Variants in CDH2 observed in about 807,000 individuals in gnomAD.
The protein encoded by CDH2 is cadherin 2.
A neutral mutation model predicts 92.0 loss-of-function variants in CDH2; 17 were observed. The observed-to-expected ratio is 0.18, with a 90% CI of 0.13 to 0.28. CDH2 has a LOEUF of 0.28. Among genes scored for constraint, CDH2 ranks in the 10% least tolerant of loss-of-function variants. CDH2 has a pLI of 1.00. For synonymous variants in CDH2, 419 were observed against 415.9 expected (o/e 1.01, Z -0.09); for missense variants, 862 against 1,133.1 (o/e 0.76, Z 3.44).
intron 1 of CDH2, among the ~76,000 whole-genome samples, chr18:28,156,877 A>C (rs1467896629): frequency 1.1e-4 from 17 of 152,090 alleles, no homozygotes; most frequent in Non-Finnish European, 2.2e-4. Flanking sequence ...ATCAGGGCTT[A>C]GGACAATATG....
At chr18:28,151,800 C>A (rs1383834299) in intron 1 of CDH2, among the ~76,000 whole-genome samples, 1 of 152,128 alleles carries the variant, frequency 6.6e-6, no homozygotes, top group Non-Finnish European at 1.5e-5. Context: ...CATGGGTTGG[C>A]AAGCTTTTTC....
At chr18:27,997,482 T>C (rs945338461) in intron 7 of CDH2, among the ~76,000 whole-genome samples, 1 of 152,336 alleles carries the variant, frequency 6.6e-6, no homozygotes, top group African/African-American at 2.4e-5. Context: ...GAACCTTCAA[T>C]AGTGCATACC....
At chr18:28,006,054 A>T in intron 5 of CDH2, 61 bp from the exon 6 acceptor site, 1 of 1,320,848 alleles carries the variant, frequency 7.6e-7, no homozygotes, top group Non-Finnish European at 1.1e-6. Flanking sequence ...AGATAAATAC[A>T]TCATCATAAG....
chr18:28,040,119 A>C (rs1019462678), intron 2 of CDH2, among the ~76,000 whole-genome samples: 3 of 152,186 alleles, frequency 2.0e-5, no homozygotes, highest in Non-Finnish European at 1.5e-5. Context: ...ACACTTACTG[A>C]AAGTTGATTG....
chr18:27,990,397 T>A, intron 9 of CDH2, 47 bp from the exon 10 acceptor site: 1 of 1,545,260 alleles, frequency 6.5e-7, no homozygotes, highest in Non-Finnish European at 8.8e-7. Context: ...ATAAGAATGC[T>A]TGCATTCTGT....
intron 2 of CDH2, among the ~76,000 whole-genome samples, chr18:28,136,318 G>A (rs995253353): frequency 2.0e-5 from 3 of 151,986 alleles, no homozygotes; most frequent in South Asian, 2.1e-4. Flanking sequence ...ATGAAGGAAG[G>A]AAGGAGGAGC....
chr18:27,935,316 A>C (rs1055538856), intron 6 of CDH2, among the ~76,000 whole-genome samples: 2 of 152,302 alleles, frequency 1.3e-5, no homozygotes, highest in Non-Finnish European at 2.9e-5. Context: ...AAGCAGACAC[A>C]TGTTCACATG....
chr18:28,068,862 T>C (rs1218636678), intron 2 of CDH2, among the ~76,000 whole-genome samples: 1 of 152,176 alleles, frequency 6.6e-6, no homozygotes, highest in African/African-American at 2.4e-5. Flanking sequence ...TATTCAATCT[T>C]CAATCTATTT....
At chr18:28,085,978 C>G (rs1262490445) in intron 2 of CDH2, among the ~76,000 whole-genome samples, 1 of 152,094 alleles carries the variant, frequency 6.6e-6, no homozygotes, top group Non-Finnish European at 1.5e-5. Flanking sequence ...AAAATATTAT[C>G]CATCTGGAAT....
intron 2 of CDH2, among the ~76,000 whole-genome samples, chr18:28,020,356 C>G (rs1046283210): frequency 6.6e-6 from 1 of 151,620 alleles, no homozygotes; most frequent in Non-Finnish European, 1.5e-5. Flanking sequence ...GACTTTAAGG[C>G]TTAAAAATAA....
At chr18:28,000,966 A>G (rs917232014) in intron 7 of CDH2, among the ~76,000 whole-genome samples, 2 of 152,172 alleles carry the variant, frequency 1.3e-5, no homozygotes, top group Non-Finnish European at 2.9e-5. Context: ...CTCAGGAAGA[A>G]TTATCATAAA....
At chr18:28,098,712 A>G (rs1192127159) in intron 2 of CDH2, among the ~76,000 whole-genome samples, 1 of 152,124 alleles carries the variant, frequency 6.6e-6, no homozygotes, top group Non-Finnish European at 1.5e-5. Context: ...AGGAAACATG[A>G]TATTAAGTAG....
Position 27,985,384 on chromosome 18 carries a change from G to C in CDH2, c.1975+144C>G, listed in dbSNP as rs557765205. ...TTCTAAATACTTTTTTGGCCGTAAAGGCCTTTAATATCTTACTTAAACTTT... is the reference window on the plus strand; with the variant it reads ...TTCTAAATACTTTTTTGGCCGTAAACGCCTTTAATATCTTACTTAAACTTT... On this transcript the variant is annotated intron_variant, in intron 12 of 15. Transcript: ENST00000269141. 9 of 788,982 alleles carry C rather than the reference G, an allele frequency of 1.1e-5. No homozygotes were observed. In the South Asian group the frequency reaches 1.7e-4, roughly 15 times the overall value. The allele number at this position is 788,982 out of a possible 1,614,324, so 48.9% of individuals were successfully genotyped here. A position where few individuals can be genotyped will look rare whatever the true frequency, so the allele number is the denominator to read the frequency against.
intron 2 of CDH2, among the ~76,000 whole-genome samples, chr18:28,085,474 T>G (rs970903357): frequency 1.1e-4 from 17 of 152,150 alleles, no homozygotes; most frequent in Non-Finnish European, 1.3e-4. Flanking sequence ...AAATCTTAAC[T>G]GTCCAAGGCA....
intron 2 of CDH2, among the ~76,000 whole-genome samples, chr18:28,133,025 A>C (rs956232527): frequency 2.6e-5 from 4 of 152,090 alleles, no homozygotes; most frequent in Non-Finnish European, 5.9e-5. Context: ...CCTTATCTAT[A>C]TCTCTTCCTT....
intron 6 of CDH2, among the ~76,000 whole-genome samples, chr18:27,939,443 A>G (rs1909087968): frequency 6.6e-6 from 1 of 152,194 alleles, no homozygotes; most frequent in South Asian, 2.1e-4. Context: ...CGTGACCTTT[A>G]TAGTAGAAAT....
intron 5 of CDH2, 129 bp from the exon 6 acceptor site, chr18:28,006,122 C>G: frequency 1.4e-6 from 1 of 708,772 alleles, no homozygotes; most frequent in African/African-American, 1.8e-5. Flanking sequence ...TTCTTCCCAT[C>G]AAAATTTAAG....
At chr18:27,986,336 G>A (rs2012233306) in intron 11 of CDH2, among the ~76,000 whole-genome samples, 1 of 152,070 alleles carries the variant, frequency 6.6e-6, no homozygotes, top group Non-Finnish European at 1.5e-5. Context: ...ATATTAGGCT[G>A]CTCTATGTAC....
chr18:28,113,415 C>A (rs1393830959), intron 2 of CDH2, among the ~76,000 whole-genome samples: 3 of 149,818 alleles, frequency 2.0e-5, no homozygotes, highest in African/African-American at 4.9e-5. Context: ...ATTTAAATAC[C>A]TACATAGTTA....
Sources: gnomAD v4.1 joint callset for allele counts (sites outside exome capture counted in the v4.1 genomes callset) on GRCh38, gnomAD v4.1.1 for gene constraint, MANE v1.5 for transcripts, NCBI Gene and HGNC (gene_info 2026-07-23, HGNC 2026-07-21) for gene names.